SORBS2: variants seen among roughly 807,000 people sequenced by gnomAD.
SORBS2 encodes the protein sorbin and SH3 domain containing 2, also known as sorbin and SH3 domain-containing protein 2.
Under a neutral mutation model 97.7 loss-of-function variants are expected in SORBS2, and 46 were observed. The observed-to-expected ratio is 0.47, with a 90% CI of 0.37 to 0.60. The LOEUF (loss-of-function observed/expected upper bound fraction) is 0.60. Among genes scored for constraint, SORBS2 ranks in the 20% least tolerant of loss-of-function variants. SORBS2 has a pLI of 0.00. For synonymous variants in SORBS2, 476 were observed against 473.4 expected (o/e 1.01, Z -0.07); for missense variants, 1,316 against 1,282.3 (o/e 1.03, Z -0.40).
At chr4:185,711,407 C>T (rs773405484) in intron 2 of SORBS2, among the ~76,000 whole-genome samples, 11 of 152,118 alleles carry the variant, frequency 7.2e-5, no homozygotes, top group Non-Finnish European at 1.3e-4. Context: ...TATTTATTTT[C>T]CCAAGTTCAA....
intron 1 of SORBS2, among the ~76,000 whole-genome samples, chr4:185,906,190 T>C (rs1405090281): frequency 6.6e-6 from 1 of 152,148 alleles, no homozygotes; most frequent in Non-Finnish European, 1.5e-5. Flanking sequence ...TGCACCACCA[T>C]GCCTGGGTAA....
At chr4:185,884,975 A>T (rs1412850117) in intron 1 of SORBS2, among the ~76,000 whole-genome samples, 1 of 152,150 alleles carries the variant, frequency 6.6e-6, no homozygotes, top group African/African-American at 2.4e-5. Flanking sequence ...GATACATGAA[A>T]TCCACCATCT....
rs1368272482 is a variant in SORBS2 at position 185,684,566 on chromosome 4, C to T, written c.-197-5744G>A. The stretch of plus-strand genomic sequence containing the variant: ...ACTTAAGTTCATGAGATAACAAAAA[C>T]GTGAATAGTTATTAACACTCGCAGT... On this transcript the variant is annotated intron_variant, in intron 2 of 20. Coordinates refer to the SORBS2 transcript ENST00000284776. This position sits in a 1 kb window ranked among gnomAD's most constrained non-coding sequence, Gnocchi z 4.2. Among the ~76,000 whole-genome samples the T allele has an allele frequency of 6.6e-6, 1 of 151,874 alleles. No individual in the cohort carries two copies. Among genetic ancestry groups the T allele is most frequent in the Non-Finnish European group, 1.5e-5 (1 of 68,002 alleles).
intron 2 of SORBS2, among the ~76,000 whole-genome samples, chr4:185,688,046 T>C (rs902317862): frequency 2.6e-5 from 4 of 152,180 alleles, no homozygotes; most frequent in Admixed American, 6.6e-5. Context: ...ACCCCTCATA[T>C]GGGTAAATTA....
At chr4:185,869,994 T>G (rs2099229491) in intron 1 of SORBS2, among the ~76,000 whole-genome samples, 1 of 152,238 alleles carries the variant, frequency 6.6e-6, no homozygotes, top group African/African-American at 2.4e-5. Context: ...GATAAAAAGT[T>G]GAAAAATCTT....
At chr4:185,918,781 G>C (rs993473261) in intron 1 of SORBS2, among the ~76,000 whole-genome samples, 3 of 152,168 alleles carry the variant, frequency 2.0e-5, no homozygotes, top group Non-Finnish European at 4.4e-5. Context: ...TGTTCTAATT[G>C]AATTGGACTA....
At chr4:185,782,085 A>C (rs1412792007) in intron 1 of SORBS2, among the ~76,000 whole-genome samples, 2 of 152,276 alleles carry the variant, frequency 1.3e-5, no homozygotes, top group Non-Finnish European at 2.9e-5. Flanking sequence ...GTTGCTGAAT[A>C]AGTAAATGAT....
At chr4:185,613,511 G>A (rs1001264489) in intron 11 of SORBS2, among the ~76,000 whole-genome samples, 1 of 151,836 alleles carries the variant, frequency 6.6e-6, no homozygotes, top group Admixed American at 6.6e-5. Context: ...AGCCGGGTGT[G>A]GTGGCGGGCA....
intron 1 of SORBS2, among the ~76,000 whole-genome samples, chr4:185,885,040 G>T (rs1418492345): frequency 6.6e-6 from 1 of 152,128 alleles, no homozygotes; most frequent in South Asian, 2.1e-4. Context: ...TCTTGAGAAG[G>T]AGAGCAACAA....
chr4:185,731,866 CTATATATATATATATATATA>C (rs544211866), intron 2 of SORBS2, among the ~76,000 whole-genome samples: 347 of 24,644 alleles, frequency 0.014, 2 homozygotes, highest in Admixed American at 0.021. Flanking sequence ...CTCTCTCTCT[CTATATATATATATATATATA>C]TATATATATA....
chr4:185,938,016 T>A (rs2099269827), intron 1 of SORBS2, among the ~76,000 whole-genome samples: 1 of 150,184 alleles, frequency 6.7e-6, no homozygotes. Flanking sequence ...TTCTTTTTTT[T>A]TTTTTTTTTT....
At chr4:185,779,627 T>C (rs973296514) in intron 1 of SORBS2, among the ~76,000 whole-genome samples, 1 of 152,314 alleles carries the variant, frequency 6.6e-6, no homozygotes, top group Admixed American at 6.5e-5. Flanking sequence ...TTTGAGAGGA[T>C]CCCAGTAGGA....
At chr4:185,659,277 C>A (rs553402660), upstream of SORBS2, among the ~76,000 whole-genome samples, 4 of 152,158 alleles carry the variant, frequency 2.6e-5, no homozygotes, top group Non-Finnish European at 5.9e-5. Context: ...AGCCTTTCAA[C>A]ACTGAATCAG....
At chr4:185,919,971 A>C (rs1354605248) in intron 1 of SORBS2, among the ~76,000 whole-genome samples, 2 of 152,272 alleles carry the variant, frequency 1.3e-5, no homozygotes, top group African/African-American at 4.8e-5. Flanking sequence ...TTAGTATGCC[A>C]TCTTTCTTAT....
chr4:185,827,181 AATCACCATCATCATCATC>A (rs2099200798), intron 1 of SORBS2, among the ~76,000 whole-genome samples: 2 of 19,174 alleles, frequency 1.0e-4, no homozygotes, highest in Non-Finnish European at 2.7e-4. Flanking sequence ...CCATCATCAG[AATCACCATCATCATCATC>A]ATCACCATCA....
At chr4:185,739,333 T>C (rs1254167597) in intron 2 of SORBS2, among the ~76,000 whole-genome samples, 1 of 152,188 alleles carries the variant, frequency 6.6e-6, no homozygotes, top group Non-Finnish European at 1.5e-5. Flanking sequence ...GTGAAAAATA[T>C]TCATAGAGAA....
At chr4:185,661,983 TG>T in intron 5 of SORBS2, 120 bp downstream of exon 8, 1 of 1,071,986 alleles carries the variant, frequency 9.3e-7, no homozygotes, top group Non-Finnish European at 1.3e-6. Context: ...AGTTTCTCCC[TG>T]GGGATAGGGT....
intron 2 of SORBS2, among the ~76,000 whole-genome samples, chr4:185,752,933 G>A (rs2098809984): frequency 6.6e-6 from 1 of 152,176 alleles, no homozygotes; most frequent in African/African-American, 2.4e-5. Context: ...CACAATAGTT[G>A]ATCTTTAAAT....
intron 1 of SORBS2, among the ~76,000 whole-genome samples, chr4:185,887,900 G>A (rs995035274): frequency 5.3e-5 from 8 of 151,430 alleles, no homozygotes; most frequent in African/African-American, 1.9e-4. Context: ...GGATAGAAAA[G>A]GTTGCTTTTT....
Sources: gnomAD v4.1 joint callset for allele counts (sites outside exome capture counted in the v4.1 genomes callset) on GRCh38, gnomAD v4.1.1 for gene constraint, Gnocchi (gnomAD v3.1) non-coding constraint, MANE v1.5 for transcripts, NCBI Gene and HGNC (gene_info 2026-07-23, HGNC 2026-07-21) for gene names.